WASF3: variants seen among roughly 807,000 people sequenced by gnomAD.
The protein encoded by WASF3 is WASP family member 3.
In WASF3, 11 loss-of-function variants were observed where a neutral mutation model predicts 46.6. The observed-to-expected ratio is 0.24, with a 90% CI of 0.15 to 0.39. The LOEUF (loss-of-function observed/expected upper bound fraction) is 0.39. Among genes scored for constraint, WASF3 ranks in the 10% least tolerant of loss-of-function variants. The probability of loss-of-function intolerance (pLI) is 1.00; values close to 1 mark genes in which losing one functional copy is unlikely to be tolerated. For synonymous variants in WASF3, 242 were observed against 259.7 expected, an observed-to-expected ratio of 0.93 and a Z score of 0.65; for missense variants, 576 against 669.8, an observed-to-expected ratio of 0.86 and a Z score of 1.55.
chr13:26,574,328 G>A (rs1434383106), intron 1 of WASF3, among the ~76,000 whole-genome samples: 1 of 151,976 alleles, frequency 6.6e-6, no homozygotes, highest in African/African-American at 2.4e-5. Flanking sequence ...TATTTATGGT[G>A]TGTTTCTATT....
At chr13:26,638,753 T>G (rs1881904395) in intron 2 of WASF3, 1 of 152,228 alleles carries the variant, frequency 6.6e-6, no homozygotes, top group African/African-American at 2.4e-5. Flanking sequence ...ACGCTATGGT[T>G]TGGATGCAGT....
In WASF3 at chr13:26,682,768, C is replaced by G; in HGVS notation, c.1145C>G (p.Pro382Arg). 1 of 1,612,838 alleles carries G rather than the reference C, an allele frequency of 6.2e-7. No homozygotes were observed. Among genetic ancestry groups the G allele is most frequent in the Non-Finnish European group, 8.5e-7 (1 of 1,180,032 alleles). The change falls in exon 9 of 10, where the codon CCT (proline) becomes CGT (arginine). Residue 382 changes from proline to arginine, a missense_variant. By Grantham distance (103) the Pro-to-Arg change is moderately radical. Coordinates refer to ENST00000335327, the MANE Select transcript of WASF3 (RefSeq NM_006646.6). This position sits in a 1 kb window ranked among gnomAD's most constrained non-coding sequence, Gnocchi z 4.4. ...PASASSTHAA[P>R]PHPPSTGLLV... ...TCAGCCAGCTCCACGCACGCAGCTC[C>G]TCCTCACCCACCCTCCACCGGGCTC...
chr13:26,592,545 G>A (rs2137186085), intron 1 of WASF3, among the ~76,000 whole-genome samples: 1 of 151,302 alleles, frequency 6.6e-6, no homozygotes, highest in Non-Finnish European at 1.5e-5. Context: ...CTTCTGAGTG[G>A]GTGCAGAGAG....
intron 5 of WASF3, among the ~76,000 whole-genome samples, chr13:26,670,813 C>T (rs1882907134): frequency 6.6e-6 from 1 of 152,194 alleles, no homozygotes; most frequent in African/African-American, 2.4e-5. Context: ...TGCACTGGCT[C>T]TTCAGTGATT....
intron 3 of WASF3, among the ~76,000 whole-genome samples, chr13:26,645,038 T>C (rs932885486): frequency 2.0e-5 from 3 of 152,312 alleles, no homozygotes; most frequent in East Asian, 3.9e-4. Context: ...CACAGTGATA[T>C]ATACTGCCAA....
chr13:26,601,502 A>T (rs770304352), intron 1 of WASF3, among the ~76,000 whole-genome samples: 2 of 152,146 alleles, frequency 1.3e-5, no homozygotes, highest in Non-Finnish European at 2.9e-5. Flanking sequence ...GATGGAGAGG[A>T]TAGGGGCAGA....
intron 1 of WASF3, among the ~76,000 whole-genome samples, chr13:26,580,448 G>C (rs1006229740): frequency 6.6e-6 from 1 of 152,090 alleles, no homozygotes; most frequent in East Asian, 1.9e-4. Flanking sequence ...TCTAAAACTC[G>C]ACAAGCATTA....
intron 3 of WASF3, among the ~76,000 whole-genome samples, chr13:26,656,306 T>C (rs1309626894): frequency 6.6e-6 from 1 of 152,196 alleles, no homozygotes. Flanking sequence ...AAGTGTAGTT[T>C]CATAAACAAA....
intron 2 of WASF3, among the ~76,000 whole-genome samples, chr13:26,637,294 A>T (rs1458181261): frequency 1.3e-5 from 2 of 152,164 alleles, no homozygotes; most frequent in Non-Finnish European, 2.9e-5. Context: ...AGGGACTTGC[A>T]GGTAGGTTGT....
At chr13:26,582,952 C>A (rs538362691) in intron 1 of WASF3, among the ~76,000 whole-genome samples, 1 of 152,188 alleles carries the variant, frequency 6.6e-6, no homozygotes, top group East Asian at 1.9e-4. Context: ...AGGATAGATA[C>A]CTTGAGAGAA....
chr13:26,569,470 T>C (rs369305769), intron 1 of WASF3, among the ~76,000 whole-genome samples: 5 of 152,126 alleles, frequency 3.3e-5, no homozygotes, highest in East Asian at 3.8e-4. Flanking sequence ...AAAGAAGATA[T>C]TACGGTGAGA....
intron 2 of WASF3, among the ~76,000 whole-genome samples, chr13:26,632,338 T>C (rs959917061): frequency 2.0e-5 from 3 of 152,206 alleles, no homozygotes; most frequent in South Asian, 2.1e-4. Context: ...TATTTTGAGG[T>C]ACGTTTCATC....
chr13:26,602,702 A>T (rs1024041511), intron 1 of WASF3, among the ~76,000 whole-genome samples: 1 of 152,184 alleles, frequency 6.6e-6, no homozygotes, highest in Non-Finnish European at 1.5e-5. Flanking sequence ...TGAAATCTTT[A>T]TGTCAGGTTT....
chr13:26,667,461 C>T (rs1322660928), intron 4 of WASF3, 56 bp from the exon 5 acceptor site: 7 of 1,509,594 alleles, frequency 4.6e-6, no homozygotes, highest in Non-Finnish European at 6.3e-6. Context: ...GTATTTACTT[C>T]TAAACAGTTA....
intron 1 of WASF3, among the ~76,000 whole-genome samples, chr13:26,561,843 A>G (rs556378060): frequency 6.6e-6 from 1 of 152,314 alleles, no homozygotes; most frequent in South Asian, 2.1e-4. Flanking sequence ...AGAAAAGGAA[A>G]TGAGGGAGGC....
At chr13:26,668,336 T>C (rs1160591895) in intron 5 of WASF3, among the ~76,000 whole-genome samples, 3 of 152,214 alleles carry the variant, frequency 2.0e-5, no homozygotes, top group Non-Finnish European at 2.9e-5. Context: ...TCTTGTCCCA[T>C]ATCCCTCTTT....
chr13:26,654,757 A>G (rs145516426), intron 3 of WASF3, among the ~76,000 whole-genome samples: 276 of 152,276 alleles, frequency 1.8e-3, no homozygotes, highest in Non-Finnish European at 2.8e-3. Context: ...TAGTTTTATA[A>G]TCAGGACGGT....
intron 3 of WASF3, 122 bp downstream of exon 3, chr13:26,642,525 T>A: frequency 8.1e-7 from 1 of 1,228,444 alleles, no homozygotes; most frequent in Non-Finnish European, 1.1e-6. Context: ...TTTCTCCTTC[T>A]GTATTTCCCA....
chr13:26,632,039 C>T (rs1881667201), intron 2 of WASF3, among the ~76,000 whole-genome samples: 1 of 152,166 alleles, frequency 6.6e-6, no homozygotes, highest in African/African-American at 2.4e-5. Flanking sequence ...TGAGACTTTG[C>T]TGAAGTAGCT....
Sources: allele counts gnomAD v4.1 joint callset (sites outside exome capture counted in the v4.1 genomes callset), GRCh38; gene constraint gnomAD v4.1.1; non-coding constraint Gnocchi (gnomAD v3.1); transcripts MANE v1.5; gene names NCBI Gene and HGNC (gene_info 2026-07-23, HGNC 2026-07-21).